PLOD2: variants seen among roughly 807,000 people sequenced by gnomAD.
PLOD2 encodes the protein procollagen-lysine,2-oxoglutarate 5-dioxygenase 2, also known as lysine hydroxylase 2.
PLOD2 carries 65 observed loss-of-function variants against 101.0 expected under a neutral mutation model. The ratio of observed to expected loss-of-function variants is 0.64; its 90% CI spans 0.53 to 0.79. PLOD2 has a LOEUF of 0.79. PLOD2 is among the 30% of genes least tolerant of loss of function. The pLI is 0.00. For missense variants in PLOD2, 909 were observed against 914.6 expected, an observed-to-expected ratio of 0.99 and a Z score of 0.08; for synonymous variants, 314 against 302.9, an observed-to-expected ratio of 1.04 and a Z score of -0.38.
chr3:146,160,973 A>G lies in PLOD2; in HGVS notation c.17T>C (p.Val6Ala). 6.3e-7 allele frequency: 1 copy of G among 1,589,264 alleles called. No homozygotes were observed. Among genetic ancestry groups the G allele is most frequent in the East Asian group, 2.3e-5 (1 of 43,724 alleles). MGGCT[V>A]KPQLLLLALV... ...CGCCAGGAGCAGCAGCTGAGGCTTC[A>G]CCGTGCATCCCCCCATATTCGGCCC... The change falls in exon 1 of 20, where the codon GTG becomes GCG. Residue 6 changes from valine to alanine, a missense_variant. Physicochemically the swap from Val to Ala is moderately conservative, Grantham distance 64 (BLOSUM62 0). Transcript: ENST00000282903.
chr3:146,123,272 T>A (rs2030310393), intron 2 of PLOD2: 3 of 1,145,694 alleles, frequency 2.6e-6, no homozygotes, highest in Non-Finnish European at 3.3e-6. Context: ...TACCTAGGTA[T>A]CTCCTTGTTC....
chr3:146,103,627 G>T (rs1324330493), intron 6 of PLOD2, among the ~76,000 whole-genome samples: 1 of 151,790 alleles, frequency 6.6e-6, no homozygotes, highest in Non-Finnish European at 1.5e-5. Flanking sequence ...TAGATTTTAA[G>T]AATCTTTTTA....
At chr3:146,133,010 C>A (rs1455817918) in intron 1 of PLOD2, among the ~76,000 whole-genome samples, 1 of 152,014 alleles carries the variant, frequency 6.6e-6, no homozygotes, top group Non-Finnish European at 1.5e-5. Flanking sequence ...CCGGTCTCTA[C>A]TAAAAATACA....
chr3:146,099,590 A>G (rs1279447042), intron 7 of PLOD2, among the ~76,000 whole-genome samples: 2 of 151,672 alleles, frequency 1.3e-5, no homozygotes, highest in African/African-American at 4.8e-5. Flanking sequence ...TTTAGTAGAG[A>G]CAGGGTTTCA....
intron 15 of PLOD2, chr3:146,073,679 G>GT (rs1559832211): frequency 6.4e-6 from 1 of 156,216 alleles, no homozygotes; most frequent in Non-Finnish European, 1.4e-5. Flanking sequence ...ACCCGTGGGA[G>GT]GTTAAAAACA....
chr3:146,080,523 T>TAC (rs71633956), intron 12 of PLOD2, among the ~76,000 whole-genome samples: 22 of 144,038 alleles, frequency 1.5e-4, no homozygotes, highest in African/African-American at 3.3e-4. Context: ...CACACACACA[T>TAC]ACACACACAC....
intron 7 of PLOD2, among the ~76,000 whole-genome samples, chr3:146,096,731 C>T (rs1450983889): frequency 6.7e-6 from 1 of 149,592 alleles, no homozygotes; most frequent in East Asian, 2.1e-4. Flanking sequence ...CGCCCGGAAG[C>T]CACCCCGTCC....
chr3:146,111,048 A>T lies in PLOD2; in HGVS notation c.339-600T>A, dbSNP rs1937621995. On this transcript the variant is annotated intron_variant, in intron 3 of 19. Coordinates refer to ENST00000282903, the MANE Select transcript of PLOD2 (RefSeq NM_182943.3). ...ACTGACACTATAATTTAATTTTTGT[A>T]AAAACTGACACTATAATTTAATTAA... Among the ~76,000 whole-genome samples, 3 of 151,986 alleles carry T rather than the reference A, an allele frequency of 2.0e-5. No homozygotes were observed. In the East Asian group the frequency reaches 5.8e-4, roughly 29 times the overall value.
At chr3:146,079,855 CT>C (rs1470001303) in intron 12 of PLOD2, among the ~76,000 whole-genome samples, 1 of 151,968 alleles carries the variant, frequency 6.6e-6, no homozygotes, top group Non-Finnish European at 1.5e-5. Flanking sequence ...AAATTATATT[CT>C]CTTACCATTC....
rs539480138 is a variant in PLOD2 at position 146,131,707 on chromosome 3, G to A, written c.110-7478C>T. Among the ~76,000 whole-genome samples, 8 of 152,196 alleles carry A rather than the reference G, an allele frequency of 5.3e-5. No individual in the cohort carries two copies. The South Asian group carries it at 1.7e-3, about 32-fold the overall frequency. ...AGTGGTAACCAATCTAAGACAACTC[G>A]GGATTCACAGTTACTAAAAAACTTG... On this transcript the variant is annotated intron_variant, in intron 1 of 19. Transcript: ENST00000282903.
chr3:146,095,393 G>A (rs1937114347), intron 7 of PLOD2, among the ~76,000 whole-genome samples: 1 of 150,948 alleles, frequency 6.6e-6, no homozygotes, highest in South Asian at 2.1e-4. Context: ...TCAAAAAGTG[G>A]TCGAAGGATA....
At chr3:146,072,728 G>C in intron 16 of PLOD2, 63 bp from the exon 17 acceptor site, 1 of 1,004,822 alleles carries the variant, frequency 1.0e-6, no homozygotes, top group Non-Finnish European at 1.6e-6. Context: ...GTCTAAAATA[G>C]TTATTTTAAT....
At chr3:146,140,977 T>C (rs934760915) in intron 1 of PLOD2, among the ~76,000 whole-genome samples, 9 of 152,044 alleles carry the variant, frequency 5.9e-5, no homozygotes, top group African/African-American at 2.2e-4. Context: ...ATGTACCTGC[T>C]CTGTCAAGAA....
intron 8 of PLOD2, among the ~76,000 whole-genome samples, chr3:146,090,231 CATT>C (rs1290457510): frequency 6.6e-6 from 1 of 151,302 alleles, no homozygotes; most frequent in Non-Finnish European, 1.5e-5. Flanking sequence ...CCACATCTAA[CATT>C]ATGATAGGCT....
At chr3:146,114,820 C>T (rs1244814030) in intron 3 of PLOD2, among the ~76,000 whole-genome samples, 2 of 151,988 alleles carry the variant, frequency 1.3e-5, no homozygotes. Context: ...CAGAGGATTC[C>T]CATATGATGG....
chr3:146,118,857 C>T (rs990068071), intron 3 of PLOD2, among the ~76,000 whole-genome samples: 2 of 152,102 alleles, frequency 1.3e-5, no homozygotes, highest in Admixed American at 6.6e-5. Context: ...CATTAAGTTA[C>T]CCGTCTCAAT....
At chr3:146,152,368 C>T (rs1255190062) in intron 1 of PLOD2, among the ~76,000 whole-genome samples, 1 of 151,694 alleles carries the variant, frequency 6.6e-6, no homozygotes. Flanking sequence ...TGCAGTGAGC[C>T]GAGATTGCAC....
chr3:146,154,172 C>T (rs1224239026), intron 1 of PLOD2, among the ~76,000 whole-genome samples: 1 of 152,098 alleles, frequency 6.6e-6, no homozygotes, highest in Admixed American at 6.5e-5. Context: ...CAAGTAGCCC[C>T]TCATTTTAGC....
rs115567367 is a variant in PLOD2, at chr3:146,156,017, C to T, written c.109+4864G>A. 3.5e-3 allele frequency among the ~76,000 whole-genome samples: 534 copies of T among 152,290 alleles called. 4 individuals carry two copies. Among genetic ancestry groups the T allele is most frequent in the African/African-American group, 0.012 (510 of 41,560 alleles). On this transcript the variant is annotated intron_variant, in intron 1 of 19. Coordinates refer to ENST00000282903, the MANE Select transcript of PLOD2 (RefSeq NM_182943.3). ...GCTCTGAAGAAGAAATATGCATCTC[C>T]TTTCCAACTAGCCATCAGTGTTTTT... is the stretch of plus-strand genomic sequence containing the variant.
Sources: allele counts gnomAD v4.1 joint callset (sites outside exome capture counted in the v4.1 genomes callset), GRCh38; gene constraint gnomAD v4.1.1; transcripts MANE v1.5; gene names NCBI Gene and HGNC (gene_info 2026-07-23, HGNC 2026-07-21).